Variants in PLA2G4F observed in about 807,000 individuals in gnomAD.
The protein encoded by PLA2G4F is cytosolic phospholipase A2 zeta.
PLA2G4F carries 105 observed loss-of-function variants against 103.1 expected under a neutral mutation model. The ratio of observed to expected loss-of-function variants is 1.02; its 90% confidence interval spans 0.87 to 1.20. PLA2G4F has a LOEUF of 1.20. Ranked by LOEUF, PLA2G4F falls within the 50% of genes most tolerant of loss-of-function variation. PLA2G4F has a pLI of 0.00. For missense variants in PLA2G4F, 1,155 were observed against 1,075.9 expected (o/e 1.07, Z -1.03); for synonymous variants, 468 against 441.1 (o/e 1.06, Z -0.76).
intron 1 of PLA2G4F, among the ~76,000 whole-genome samples, chr15:42,156,193 G>A (rs917575008): frequency 6.6e-6 from 1 of 152,148 alleles, no homozygotes; most frequent in Non-Finnish European, 1.5e-5. Context: ...AGCCAGGCTC[G>A]CGCATCCTTG....
At chr15:42,150,533 GTCTCCCCCAA>G in intron 8 of PLA2G4F, 47 bp from the exon 9 acceptor site, 2 of 1,600,622 alleles carry the variant, frequency 1.2e-6, no homozygotes, top group Non-Finnish European at 1.7e-6. Context: ...GGGAAGAAAA[GTCTCCCCCAA>G]CGTGGCCCTG....
chr15:42,141,375 G>A lies in PLA2G4F; in HGVS notation c.*609C>T, dbSNP rs752009972. On this transcript the variant is annotated 3_prime_UTR_variant, in exon 20 of 20. Coordinates refer to ENST00000397272, the MANE Select transcript of PLA2G4F (RefSeq NM_213600.4). ...CACCCCACAGGCTTTAGGGCGCTGG[G>A]AAGAGAAGGGTGATCTGGGAGGAGG... 1.1e-4 allele frequency: 50 copies of A among 456,580 alleles called. 1 individual carries two copies. Among genetic ancestry groups the A allele is most frequent in the African/African-American group, 8.4e-4 (42 of 50,074 alleles). 28.3% of individuals were successfully genotyped at this position (456,580 alleles called of 1,614,324 possible). A position where few individuals can be genotyped will look rare whatever the true frequency, so the allele number is the denominator to read the frequency against.
At chr15:42,150,801 G>A (rs78230130) in intron 7 of PLA2G4F, 24 bp from the exon 8 acceptor site, 1 of 1,596,578 alleles carries the variant, frequency 6.3e-7, no homozygotes, top group Non-Finnish European at 8.5e-7. Flanking sequence ...GCCCAGGTGG[G>A]TGCGCAGGTG....
In PLA2G4F at chr15:42,145,776, ACAGAT is replaced by A; in HGVS notation, c.1657_1661del (p.Ile553LeufsTer16). ...CCAGCCTCGACTCACCTTGCAGGTA[ACAGAT>A]CCGGGGTTCAGGCTGGAGCTGCAGC... On this transcript the variant is annotated frameshift_variant, in exon 15 of 20. Transcript: ENST00000397272. LOFTEE classifies it high-confidence loss of function. 1 of 1,614,094 alleles carries A rather than the reference ACAGAT, an allele frequency of 6.2e-7. No individual in the cohort carries two copies. The highest frequency in any genetic ancestry group is 2.2e-5 in the East Asian group (1 of 44,868).
chr15:42,156,296 TA>T, intron 1 of PLA2G4F, 142 bp downstream of exon 1: 4 of 613,728 alleles, frequency 6.5e-6, no homozygotes, highest in Middle Eastern at 2.6e-4. Flanking sequence ...AGGTCTAATT[TA>T]AGCTCTGCCA....
At chr15:42,152,563 A>T in intron 7 of PLA2G4F, 125 bp downstream of exon 7, 1 of 1,009,354 alleles carries the variant, frequency 9.9e-7, no homozygotes, top group Non-Finnish European at 1.5e-6. Flanking sequence ...AATCCATCCC[A>T]TCGTTAGTCG....
At position 42,145,590 on chromosome 15, in the gene PLA2G4F, T is replaced by C. The variant is rs551737833; in HGVS notation, c.1765A>G (p.Ser589Gly). ...GLSFLEWYRG[S>G]VNITDDCQKP... ...CTACCCTCACCTGTGATATTCACAC[T>C]GCCTCTGTACCACTCCAGGAAGCTG... Residue 589 changes from serine to glycine, a missense_variant, in exon 16 of 20, where the codon AGT becomes GGT. Ser to Gly is a moderately conservative substitution (Grantham distance 56). This residue lies in a region of PLA2G4F where 782 missense variants were observed against 692.9 expected (regional missense o/e 1.13). Coordinates refer to ENST00000397272, the MANE Select transcript of PLA2G4F (RefSeq NM_213600.4). The C allele has an allele frequency of 6.2e-7, 1 of 1,614,092 alleles. No individual in the cohort carries two copies. The highest frequency in any genetic ancestry group is 2.2e-5 in the East Asian group (1 of 44,882).
chr15:42,150,353 G>A lies in PLA2G4F; in HGVS notation c.885+20C>T. ...CAGAGAGCAGGCAGGGGTCCCTCTG[G>A]CACCCAGACAGAGCCTTACCTCCCC... On this transcript the variant is annotated intron_variant, in intron 9 of 19. Coordinates refer to ENST00000397272, the MANE Select transcript of PLA2G4F (RefSeq NM_213600.4). 1 of 1,588,936 alleles carries A rather than the reference G, an allele frequency of 6.3e-7. No individual in the cohort carries two copies. Among genetic ancestry groups the A allele is most frequent in the Non-Finnish European group, 8.6e-7 (1 of 1,166,674 alleles).
At position 42,147,169 on chromosome 15, in the gene PLA2G4F, G is replaced by A. The variant is rs757340672; in HGVS notation, c.1374C>T (p.Leu458=). 5.0e-6 allele frequency: 8 copies of A among 1,612,794 alleles called. No homozygotes were observed. The African/African-American group carries it at 5.3e-5, about 11-fold the overall frequency. The change falls in exon 13 of 20, where the codon CTC becomes CTT. Residue 458 remains leucine, a synonymous_variant. Transcript: ENST00000397272. ...VRERSGHSVS[L]IDLWGLLVEY... ...CAACAAGGAGGCCCCAGAGGTCGAT[G>A]AGGGACACGCTGTGGCCACTGCGCT... is the stretch of plus-strand genomic sequence containing the variant.
At chr15:42,153,504 C>T in intron 5 of PLA2G4F, 116 bp downstream of exon 5, 2 of 1,496,004 alleles carry the variant, frequency 1.3e-6, no homozygotes, top group Non-Finnish European at 1.8e-6. Context: ...CAAGACCAGG[C>T]CATTGCCTCC....
At chr15:42,155,461 C>T in intron 2 of PLA2G4F, 56 bp downstream of exon 2, 1 of 1,575,060 alleles carries the variant, frequency 6.3e-7, no homozygotes, top group East Asian at 2.2e-5. Flanking sequence ...CTGAGCTGAG[C>T]TCTGAGGAAG....
rs2048821785 is a variant in PLA2G4F, at chr15:42,140,800, CAG to C, written c.*1182_*1183del. The C allele has an allele frequency of 6.0e-6, 1 of 165,736 alleles. No individual in the cohort carries two copies. The highest frequency in any genetic ancestry group is 1.3e-5 in the Non-Finnish European group (1 of 75,634). 10.3% of individuals were successfully genotyped at this position (165,736 alleles called of 1,614,324 possible). A position where few individuals can be genotyped will look rare whatever the true frequency, so the allele number is the denominator to read the frequency against. On this transcript the variant is annotated 3_prime_UTR_variant, in exon 20 of 20. Transcript: ENST00000397272. The stretch of plus-strand genomic sequence containing the variant: ...TGCAGCCAAGAGGGAGCCCCTGGGA[CAG>C]GGGGCAGAAGGAACAAGGTCTCAAG...
In PLA2G4F at chr15:42,145,885, G is replaced by A. The variant is rs777581987; in HGVS notation, c.1553C>T (p.Pro518Leu). 1.2e-6 allele frequency: 2 copies of A among 1,614,020 alleles called. No homozygotes were observed. The highest frequency in any genetic ancestry group is 1.7e-5 in the Admixed American group (1 of 60,026). The change falls in exon 15 of 20, where the codon CCC becomes CTC. Residue 518 changes from proline to leucine, a missense_variant. Around this residue, in one of 3 missense-constraint regions of PLA2G4F, gnomAD observed 782 missense variants for 692.9 expected, o/e 1.13. Transcript: ENST00000397272. ...GTACTTGGGGAAGCCAACCTCATAGGGCGTGAACTCGCACCACTCTAGGGG... is the reference window on the plus strand; with the variant it reads ...GTACTTGGGGAAGCCAACCTCATAGAGCGTGAACTCGCACCACTCTAGGGG... ...EDFAEWCEFT[P>L]YEVGFPKYGA...
At position 42,153,324 on chromosome 15, in the gene PLA2G4F, T is replaced by C. The variant is rs2048978485; in HGVS notation, c.510A>G (p.Glu170=). The C allele has an allele frequency of 6.2e-7, 1 of 1,614,034 alleles. No homozygotes were observed. The highest frequency in any genetic ancestry group is 1.3e-5 in the African/African-American group (1 of 74,926). ...VLEKSQVPAS[E]VITNGVLVAH... ...CCACCAGAACCCCGTTGGTGATGAC[T>C]TCAGATGCAGGCACCTGGCTGCAAA... Residue 170 remains glutamate, a synonymous_variant, in exon 6 of 20, where the codon GAA becomes GAG. Transcript: ENST00000397272.
chr15:42,144,695 G>A (rs61033161), intron 16 of PLA2G4F, 51 bp from the exon 17 acceptor site: 1 of 1,489,656 alleles, frequency 6.7e-7, no homozygotes, highest in Admixed American at 2.2e-5. Flanking sequence ...ATCCTCCTTT[G>A]CCCAGTGGTC....
At chr15:42,144,717 G>T in intron 16 of PLA2G4F, 73 bp from the exon 17 acceptor site, 1 of 1,400,898 alleles carries the variant, frequency 7.1e-7, no homozygotes, top group African/African-American at 1.5e-5. Context: ...TTATAGTTCA[G>T]GGGTGCCCCT....
At chr15:42,144,166 G>A (rs769202283) in intron 17 of PLA2G4F, 22 bp from the exon 18 acceptor site, 14 of 1,583,298 alleles carry the variant, frequency 8.8e-6, no homozygotes, top group East Asian at 2.2e-5. Context: ...CCATGTGTAC[G>A]CACAGGGACG....
Position 42,141,490 on chromosome 15 carries a change from T to C in PLA2G4F, c.*494A>G. ...CCCCTCAGCCCCTCATTGTTCTTGA[T>C]AGCAGTGCATCCAGGAGCTCGAGGT... On this transcript the variant is annotated 3_prime_UTR_variant, in exon 20 of 20. Transcript: ENST00000397272. 1 of 441,510 alleles carries C rather than the reference T, an allele frequency of 2.3e-6. No homozygotes were observed. The highest frequency in any genetic ancestry group is 1.6e-5 in the South Asian group (1 of 61,840). 27.3% of individuals were successfully genotyped at this position (441,510 alleles called of 1,614,324 possible).
At chr15:42,153,383 C>T (rs1291129260) in intron 5 of PLA2G4F, 41 bp from the exon 6 acceptor site, 2 of 1,598,216 alleles carry the variant, frequency 1.3e-6, no homozygotes, top group South Asian at 2.2e-5. Context: ...CATCTGGCCC[C>T]ATCATGATGG....
Sources: gnomAD v4.1 joint callset for allele counts (sites outside exome capture counted in the v4.1 genomes callset) on GRCh38, gnomAD v4.1.1 for gene constraint, gnomAD v4.1.1 regional missense constraint, MANE v1.5 for transcripts, NCBI Gene and HGNC (gene_info 2026-07-23, HGNC 2026-07-21) for gene names.